Variants in EML6 observed in about 807,000 individuals in gnomAD.
EML6 encodes the protein echinoderm microtubule-associated protein-like 6.
EML6 carries 154 observed loss-of-function variants against 240.1 expected under a neutral mutation model. That is an observed-to-expected ratio of 0.64 (90% confidence interval 0.56 to 0.73). The LOEUF is 0.73. Among genes scored for constraint, EML6 ranks in the 30% least tolerant of loss-of-function variants. EML6 has a pLI of 0.00. For synonymous variants in EML6, 1,148 were observed against 899.0 expected (o/e 1.28, Z -4.95); for missense variants, 2,964 against 2,474.6 (o/e 1.20, Z -4.20).
intron 2 of EML6, among the ~76,000 whole-genome samples, chr2:54,792,916 AAAG>A (rs549697341): frequency 6.6e-5 from 10 of 152,334 alleles, no homozygotes; most frequent in South Asian, 2.1e-4. Context: ...AAAGCAAAAA[AAAG>A]AAATGATTTT....
chr2:54,843,633 A>G (rs930378533), intron 7 of EML6, among the ~76,000 whole-genome samples: 2 of 152,050 alleles, frequency 1.3e-5, no homozygotes, highest in Admixed American at 1.3e-4. Flanking sequence ...TCACGAGGTC[A>G]GGAGATCGAG....
At chr2:54,947,362 T>C (rs1199295252) in intron 28 of EML6, among the ~76,000 whole-genome samples, 4 of 152,202 alleles carry the variant, frequency 2.6e-5, no homozygotes, top group Admixed American at 2.6e-4. Flanking sequence ...GGGTGTCGTT[T>C]TGCAGAGATG....
chr2:54,860,097 G>A (rs1302007063), intron 12 of EML6, among the ~76,000 whole-genome samples: 1 of 152,106 alleles, frequency 6.6e-6, no homozygotes, highest in Admixed American at 6.5e-5. Flanking sequence ...TGGGTAGGTA[G>A]GAAAAGCTGA....
intron 10 of EML6, among the ~76,000 whole-genome samples, chr2:54,853,298 A>G (rs970490337): frequency 2.0e-5 from 3 of 152,230 alleles, no homozygotes; most frequent in Non-Finnish European, 4.4e-5. Context: ...GTAGCTTGAG[A>G]CATTACATTT....
intron 32 of EML6, among the ~76,000 whole-genome samples, chr2:54,954,486 G>A (rs945342845): frequency 2.6e-5 from 4 of 152,148 alleles, no homozygotes; most frequent in African/African-American, 9.7e-5. Flanking sequence ...CCTACCCAAG[G>A]GTCCTTGTCT....
intron 12 of EML6, among the ~76,000 whole-genome samples, chr2:54,863,043 A>G (rs904038425): frequency 1.3e-5 from 2 of 152,200 alleles, no homozygotes; most frequent in African/African-American, 2.4e-5. Flanking sequence ...GTGGACATGT[A>G]TGTAGTCTTT....
intron 8 of EML6, among the ~76,000 whole-genome samples, chr2:54,846,968 G>A (rs1296158288): frequency 7.2e-6 from 1 of 138,506 alleles, no homozygotes; most frequent in Non-Finnish European, 1.5e-5. Flanking sequence ...CACCCAGGCT[G>A]GAGTGCGGTG....
intron 2 of EML6, among the ~76,000 whole-genome samples, chr2:54,762,245 T>C (rs1032596512): frequency 2.0e-5 from 3 of 152,148 alleles, no homozygotes. Flanking sequence ...TTATCTGATG[T>C]TTCCTCATGA....
chr2:54,753,908 G>A (rs746403839), intron 2 of EML6, among the ~76,000 whole-genome samples: 4 of 151,820 alleles, frequency 2.6e-5, no homozygotes, highest in Non-Finnish European at 2.9e-5. Context: ...AGACCAAGGC[G>A]GGTGGATCAC....
chr2:54,933,543 A>G (rs1674972230), intron 28 of EML6, among the ~76,000 whole-genome samples: 1 of 152,120 alleles, frequency 6.6e-6, no homozygotes, highest in South Asian at 2.1e-4. Flanking sequence ...AGACCAGCCT[A>G]GGAAACATGG....
chr2:54,835,688 T>C (rs1669104017), intron 7 of EML6, among the ~76,000 whole-genome samples: 1 of 152,156 alleles, frequency 6.6e-6, no homozygotes, highest in African/African-American at 2.4e-5. Flanking sequence ...GGTCAGATAG[T>C]CTAGCAGCTC....
At chr2:54,917,369 T>G (rs1007325036) in intron 26 of EML6, among the ~76,000 whole-genome samples, 16 of 147,934 alleles carry the variant, frequency 1.1e-4, no homozygotes, top group Admixed American at 2.0e-4. Flanking sequence ...TTTTTTTTTT[T>G]TTTTTTGTTT....
chr2:54,791,370 T>G (rs2103907761), intron 2 of EML6, among the ~76,000 whole-genome samples: 1 of 152,334 alleles, frequency 6.6e-6, no homozygotes, highest in South Asian at 2.1e-4. Context: ...AACAGTGGTT[T>G]GCCAAAATGA....
At chr2:54,950,539 C>T (rs945336884) in intron 29 of EML6, 111 bp from the exon 30 acceptor site, 93 of 1,229,264 alleles carry the variant, frequency 7.6e-5, no homozygotes, top group African/African-American at 9.2e-5. Flanking sequence ...GTTGGCGTCA[C>T]CAGCCATACC....
intron 21 of EML6, 47 bp from the exon 22 acceptor site, chr2:54,899,594 C>G: frequency 6.5e-7 from 1 of 1,527,440 alleles, no homozygotes; most frequent in Non-Finnish European, 8.8e-7. Context: ...AAGGGCTAGC[C>G]AAACAGCATA....
chr2:54,836,117 C>T (rs1040773749), intron 7 of EML6, among the ~76,000 whole-genome samples: 1 of 152,118 alleles, frequency 6.6e-6, no homozygotes, highest in African/African-American at 2.4e-5. Flanking sequence ...TGCAGAGGCC[C>T]GAGCCTCAGG....
chr2:54,863,679 T>A, intron 12 of EML6, 104 bp from the exon 13 acceptor site: 1 of 683,092 alleles, frequency 1.5e-6, no homozygotes, highest in Non-Finnish European at 2.6e-6. Context: ...TATGGTATAG[T>A]TTTTATTTAC....
At chr2:54,931,769 C>G (rs1027562351) in intron 28 of EML6, among the ~76,000 whole-genome samples, 2 of 152,216 alleles carry the variant, frequency 1.3e-5, no homozygotes, top group Non-Finnish European at 2.9e-5. Flanking sequence ...CCACTCCACG[C>G]AGGGTCCTTA....
intron 2 of EML6, among the ~76,000 whole-genome samples, chr2:54,806,340 C>T (rs902352433): frequency 9.9e-5 from 15 of 151,950 alleles, no homozygotes; most frequent in African/African-American, 2.9e-4. Flanking sequence ...TGGCCGGGCG[C>T]GGTGGCTCAC....
Sources: allele counts gnomAD v4.1 joint callset (sites outside exome capture counted in the v4.1 genomes callset), GRCh38; gene constraint gnomAD v4.1.1; transcripts MANE v1.5; gene names NCBI Gene and HGNC (gene_info 2026-07-23, HGNC 2026-07-21).